The following PEAK1 variants were observed in gnomAD, a reference collection of about 807,000 sequenced individuals.
PEAK1 encodes pseudopodium enriched atypical kinase 1, also known as inactive tyrosine-protein kinase PEAK1.
In PEAK1, 54 loss-of-function variants were observed where a neutral mutation model predicts 124.7. The ratio of observed to expected loss-of-function variants is 0.43; its 90% CI spans 0.35 to 0.54. The LOEUF is 0.54. PEAK1 is among the 20% of genes least tolerant of loss of function. The pLI is 0.01. For synonymous variants in PEAK1, 719 were observed against 760.0 expected (o/e 0.95, Z 0.89); for missense variants, 2,046 against 2,134.5 (o/e 0.96, Z 0.82).
At chr15:77,418,441 T>C in intron 1 of PEAK1, 1 of 985,414 alleles carries the variant, frequency 1.0e-6, no homozygotes, top group Non-Finnish European at 1.2e-6. Flanking sequence ...AAAGGGGATG[T>C]TTGTTTTTTC....
intron 9 of PEAK1, among the ~76,000 whole-genome samples, chr15:77,120,441 T>C (rs1054695241): frequency 6.6e-6 from 1 of 152,246 alleles, no homozygotes; most frequent in Admixed American, 6.5e-5. Context: ...ACTCCCTCTC[T>C]TGATGAATGG....
chr15:77,203,018 C>T (rs1431549381), intron 6 of PEAK1, among the ~76,000 whole-genome samples: 1 of 144,746 alleles, frequency 6.9e-6, no homozygotes, highest in African/African-American at 2.6e-5. Context: ...GCCTGGGCGA[C>T]AGAGCCAGAC....
chr15:77,184,730 C>T (rs941910405), intron 6 of PEAK1, among the ~76,000 whole-genome samples: 3 of 152,104 alleles, frequency 2.0e-5, no homozygotes, highest in Admixed American at 6.6e-5. Flanking sequence ...AATCCTGTCT[C>T]TACCAAAAAT....
intron 6 of PEAK1, among the ~76,000 whole-genome samples, chr15:77,219,789 T>C (rs1189630798): frequency 1.3e-5 from 2 of 152,150 alleles, no homozygotes; most frequent in Admixed American, 6.6e-5. Context: ...AAACAATATG[T>C]AGCAATTAAA....
intron 1 of PEAK1, among the ~76,000 whole-genome samples, chr15:77,408,542 A>T (rs184451735): frequency 0.011 from 1,693 of 148,074 alleles, 42 homozygotes; most frequent in African/African-American, 0.039. Context: ...ATAAAAATTT[A>T]AAAAAAAAAA....
intron 1 of PEAK1, among the ~76,000 whole-genome samples, chr15:77,369,252 T>C (rs778704520): frequency 6.6e-6 from 1 of 152,062 alleles, no homozygotes; most frequent in African/African-American, 2.4e-5. Context: ...ACCAGGAAGT[T>C]TTCATAGCAC....
chr15:77,173,703 T>C lies in PEAK1; in HGVS notation c.3137+5087A>G, dbSNP rs570363658. Among the ~76,000 whole-genome samples the C allele has an allele frequency of 1.6e-4, 25 of 152,348 alleles. No homozygotes were observed. In the Middle Eastern group the frequency reaches 0.014, roughly 83 times the overall value. ...GTTTTACACCCACTGGATTATTCATTATCCTTTTCTAGCCACATGTCCTGC... is the reference window on the plus strand; with the variant it reads ...GTTTTACACCCACTGGATTATTCATCATCCTTTTCTAGCCACATGTCCTGC... On this transcript the variant is annotated intron_variant, in intron 7 of 9. Transcript: ENST00000682557.
At chr15:77,125,498 ATGTG>A (rs539532020) in intron 9 of PEAK1, among the ~76,000 whole-genome samples, 1 of 150,180 alleles carries the variant, frequency 6.7e-6, no homozygotes, top group Non-Finnish European at 1.5e-5. Flanking sequence ...GTGTGTGTGT[ATGTG>A]TGTGTGTGTG....
At chr15:77,310,984 C>A (rs1442088843) in intron 2 of PEAK1, among the ~76,000 whole-genome samples, 3 of 152,170 alleles carry the variant, frequency 2.0e-5, no homozygotes, top group African/African-American at 7.2e-5. Context: ...AGCCTAAGAT[C>A]ATTAGGAAAC....
At position 77,132,928 on chromosome 15, in the gene PEAK1, GA is replaced by G. The variant is rs2053000147; in HGVS notation, c.4077+76del. ...GAATGGAAGAATGAAGGAAAGAAAG[GA>G]GAAAAGCAGAATGAATCCATCCCAG... is the stretch of plus-strand genomic sequence containing the variant. On this transcript the variant is annotated intron_variant, in intron 9 of 9. Coordinates refer to ENST00000682557, the MANE Select transcript of PEAK1 (RefSeq NM_001385026.1). 32 of 1,408,320 alleles carry G rather than the reference GA, an allele frequency of 2.3e-5. 1 individual carries two copies. In the South Asian group the frequency reaches 4.4e-4, roughly 19 times the overall value. 87.2% of individuals were successfully genotyped at this position (1,408,320 alleles called of 1,614,324 possible).
chr15:77,355,224 G>A (rs576206600), intron 2 of PEAK1, among the ~76,000 whole-genome samples: 5 of 152,156 alleles, frequency 3.3e-5, no homozygotes, highest in Non-Finnish European at 7.3e-5. Flanking sequence ...AGGAGGTGGA[G>A]AGATACGATT....
Position 77,114,367 on chromosome 15 carries a change from G to C in PEAK1, c.5030C>G (p.Thr1677Ser). 2 of 1,614,246 alleles carry C rather than the reference G, an allele frequency of 1.2e-6. No homozygotes were observed. The highest frequency in any genetic ancestry group is 2.2e-5 in the South Asian group (2 of 91,086). ...LWGPREDLFQTFTACPSLVQR... is the reference protein window; with the variant it reads ...LWGPREDLFQSFTACPSLVQR... ...TACTAGGCTAGGGCAGGCGGTGAAA[G>C]TCTGGAAGAGATCTTCGCGGGGGCC... Residue 1677 changes from threonine (T) to serine (S), a missense_variant, in exon 10 of 10, where the codon ACT (threonine) becomes AGT (serine). Thr to Ser is a moderately conservative substitution (Grantham distance 58). Coordinates refer to ENST00000682557, the MANE Select transcript of PEAK1 (RefSeq NM_001385026.1).
At chr15:77,161,589 A>T (rs2055646222) in intron 7 of PEAK1, among the ~76,000 whole-genome samples, 1 of 152,238 alleles carries the variant, frequency 6.6e-6, no homozygotes, top group Non-Finnish European at 1.5e-5. Context: ...CAGTGACAGC[A>T]GTCTCTAAAA....
intron 9 of PEAK1, among the ~76,000 whole-genome samples, chr15:77,129,955 T>C (rs910148007): frequency 6.6e-6 from 1 of 152,198 alleles, no homozygotes; most frequent in African/African-American, 2.4e-5. Flanking sequence ...TACAATCAAT[T>C]GGGCACTTCT....
In PEAK1 at chr15:77,133,739, C is replaced by T; in HGVS notation, c.3343G>A (p.Ala1115Thr). 1 of 1,595,476 alleles carries T rather than the reference C, an allele frequency of 6.3e-7. No individual in the cohort carries two copies. The highest frequency in any genetic ancestry group is 8.5e-7 in the Non-Finnish European group (1 of 1,173,062). The change falls in exon 9 of 10, where the codon GCA becomes ACA. Residue 1115 changes from alanine to threonine, a missense_variant. Ala to Thr is a moderately conservative substitution (Grantham distance 58, BLOSUM62 0). Transcript: ENST00000682557. The surrounding 1 kb of genome is among the most constrained non-coding windows in gnomAD (Gnocchi z 4.2). ...GGCTGCTTGGGAGGTATCATGGCTG[C>T]TCTAGATTGCCCTGTATTGTTTTTA... ...ATYSNLGQSR[A>T]AMIPPKQPRQ...
chr15:77,105,657 C>G (rs1275003206), downstream of PEAK1: 1 of 152,256 alleles, frequency 6.6e-6, no homozygotes, highest in East Asian at 1.9e-4. Flanking sequence ...TATAAGGAAG[C>G]ATAATTTGCT....
At chr15:77,319,647 C>T (rs2065076587) in intron 2 of PEAK1, among the ~76,000 whole-genome samples, 1 of 152,144 alleles carries the variant, frequency 6.6e-6, no homozygotes, top group East Asian at 1.9e-4. Context: ...GGAATAAGAA[C>T]ACCAACCACT....
At chr15:77,212,977 A>G (rs1470677328) in intron 6 of PEAK1, among the ~76,000 whole-genome samples, 3 of 152,198 alleles carry the variant, frequency 2.0e-5, no homozygotes, top group African/African-American at 7.2e-5. Flanking sequence ...AGCAATAAAC[A>G]TCTTTTTAAA....
chr15:77,277,952 C>A (rs2062425090), intron 5 of PEAK1, among the ~76,000 whole-genome samples: 1 of 152,102 alleles, frequency 6.6e-6, no homozygotes, highest in Non-Finnish European at 1.5e-5. Flanking sequence ...ATGCATTTAT[C>A]CAAACCCATA....
Sources: gnomAD v4.1 joint callset for allele counts (sites outside exome capture counted in the v4.1 genomes callset) on GRCh38, gnomAD v4.1.1 for gene constraint, Gnocchi (gnomAD v3.1) non-coding constraint, MANE v1.5 for transcripts, NCBI Gene and HGNC (gene_info 2026-07-23, HGNC 2026-07-21) for gene names.